RBX1: variants seen among roughly 807,000 people sequenced by gnomAD.
RBX1 encodes ring-box 1, also known as E3 ubiquitin-protein ligase RBX1.
For synonymous variants in RBX1, 48 were observed against 47.9 expected (o/e 1.00, Z -0.01); for missense variants, 46 against 141.4 (o/e 0.33, Z 3.42).
chr22:40,955,091 T>C (rs1255551915), intron 2 of RBX1, among the ~76,000 whole-genome samples: 1 of 152,080 alleles, frequency 6.6e-6, no homozygotes, highest in Non-Finnish European at 1.5e-5. Flanking sequence ...CCGGCCTGCT[T>C]TTCCATTCTT....
chr22:40,953,094 G>C (rs554489007), intron 1 of RBX1, among the ~76,000 whole-genome samples: 2 of 146,734 alleles, frequency 1.4e-5, no homozygotes, highest in South Asian at 2.2e-4. Flanking sequence ...AGATTCAAGC[G>C]ATTCTCCTGC....
intron 3 of RBX1, chr22:40,967,585 T>G: frequency 2.1e-6 from 1 of 468,264 alleles, no homozygotes; most frequent in Non-Finnish European, 3.9e-6. Context: ...ATGATTTCCT[T>G]TAGTAGTAAT....
intron 4 of RBX1, among the ~76,000 whole-genome samples, chr22:40,971,173 G>A (rs2058368090): frequency 6.6e-6 from 1 of 152,072 alleles, no homozygotes; most frequent in South Asian, 2.1e-4. Flanking sequence ...GAATTGCGGG[G>A]GTATGAAGAA....
At chr22:40,952,277 G>A (rs994898694) in intron 1 of RBX1, among the ~76,000 whole-genome samples, 1 of 152,180 alleles carries the variant, frequency 6.6e-6, no homozygotes, top group African/African-American at 2.4e-5. Context: ...TGCATGAAAT[G>A]CCTTTTAGTG....
chr22:40,969,900 AAAG>A (rs1219342737), intron 4 of RBX1, among the ~76,000 whole-genome samples: 44 of 151,868 alleles, frequency 2.9e-4, no homozygotes, highest in African/African-American at 1.0e-3. Flanking sequence ...AAAAAAAAAA[AAAG>A]AAAGAAAATT....
intron 4 of RBX1, 131 bp from the exon 5 acceptor site, chr22:40,972,345 G>C: frequency 1.5e-6 from 1 of 648,078 alleles, no homozygotes. Flanking sequence ...TGTCAGTGTC[G>C]TCACCTAATC....
intron 2 of RBX1, among the ~76,000 whole-genome samples, chr22:40,961,291 C>T (rs2058339512): frequency 6.6e-6 from 1 of 151,044 alleles, no homozygotes; most frequent in Non-Finnish European, 1.5e-5. Flanking sequence ...TGCTGTGTTG[C>T]CCAGCCTGGT....
intron 3 of RBX1, 197 bp downstream of exon 3, chr22:40,964,314 G>T: frequency 2.1e-6 from 1 of 473,444 alleles, no homozygotes; most frequent in East Asian, 3.6e-5. Flanking sequence ...ACTGCAAAGA[G>T]GCACTTATTT....
chr22:40,964,240 C>A, intron 3 of RBX1, 123 bp downstream of exon 3: 1 of 680,854 alleles, frequency 1.5e-6, no homozygotes, highest in Non-Finnish European at 2.6e-6. Context: ...AAAAGGTATA[C>A]AAATAGTAAA....
chr22:40,960,476 T>G (rs1349399294), intron 2 of RBX1, among the ~76,000 whole-genome samples: 2 of 152,114 alleles, frequency 1.3e-5, no homozygotes, highest in Non-Finnish European at 2.9e-5. Context: ...GACTCTACCG[T>G]GAAGGGAGCC....
intron 3 of RBX1, chr22:40,966,843 G>A (rs899936894): frequency 3.3e-5 from 5 of 152,206 alleles, no homozygotes; most frequent in Non-Finnish European, 5.9e-5. Context: ...AATCACAGAC[G>A]AAATGAAGGA....
At chr22:40,955,498 C>G (rs1309921529) in intron 2 of RBX1, among the ~76,000 whole-genome samples, 4 of 151,148 alleles carry the variant, frequency 2.6e-5, no homozygotes, top group Non-Finnish European at 5.9e-5. Flanking sequence ...AGTTTTACTT[C>G]AACATGTAAT....
chr22:40,954,639 GA>G (rs2058320187), intron 2 of RBX1, among the ~76,000 whole-genome samples: 1 of 151,972 alleles, frequency 6.6e-6, no homozygotes, highest in African/African-American at 2.4e-5. Context: ...TAAGTTTCTA[GA>G]AATGGAATTA....
intron 1 of RBX1, 107 bp downstream of exon 1, chr22:40,951,583 T>A (rs1209812902): frequency 9.4e-7 from 1 of 1,062,782 alleles, no homozygotes; most frequent in Non-Finnish European, 1.4e-6. Context: ...TTTCAGGGCG[T>A]TCCTGGGACC....
At chr22:40,954,453 A>C (rs751228797) in intron 2 of RBX1, among the ~76,000 whole-genome samples, 2 of 152,188 alleles carry the variant, frequency 1.3e-5, no homozygotes, top group Non-Finnish European at 2.9e-5. Flanking sequence ...CACATATTTT[A>C]TTACATGTAG....
chr22:40,952,983 C>T (rs1460801098), intron 1 of RBX1, among the ~76,000 whole-genome samples: 3 of 86,900 alleles, frequency 3.5e-5, no homozygotes, highest in Admixed American at 1.5e-4. Flanking sequence ...AGTTTGTGCC[C>T]TTTTTTTTTT....
intron 2 of RBX1, among the ~76,000 whole-genome samples, chr22:40,959,437 T>C (rs1157904172): frequency 6.6e-6 from 1 of 152,244 alleles, no homozygotes; most frequent in East Asian, 1.9e-4. Context: ...TTCCCTGCTA[T>C]ATCCCTTCTT....
chr22:40,970,049 A>T (rs2058364646), intron 4 of RBX1, among the ~76,000 whole-genome samples: 1 of 130,632 alleles, frequency 7.7e-6, no homozygotes, highest in African/African-American at 2.6e-5. Flanking sequence ...TAATAGACCC[A>T]ATTTAAAAAA....
At chr22:40,954,131 T>A (rs1372039478) in intron 2 of RBX1, among the ~76,000 whole-genome samples, 1 of 152,006 alleles carries the variant, frequency 6.6e-6, no homozygotes, top group Non-Finnish European at 1.5e-5. Flanking sequence ...TAGCTGGGCG[T>A]ACTGGTGCAT....
Sources: allele counts gnomAD v4.1 joint callset (sites outside exome capture counted in the v4.1 genomes callset), GRCh38; gene constraint gnomAD v4.1.1; transcripts MANE v1.5; gene names NCBI Gene and HGNC (gene_info 2026-07-23, HGNC 2026-07-21).